The following CSMD2 variants were observed in gnomAD, a reference collection of about 807,000 sequenced individuals.
The protein encoded by CSMD2 is CUB and sushi domain-containing protein 2.
A neutral mutation model predicts 398.5 loss-of-function variants in CSMD2; 130 were observed. That is an observed-to-expected ratio of 0.33 (90% CI 0.28 to 0.38). The LOEUF is 0.38. Among genes scored for constraint, CSMD2 ranks in the 10% least tolerant of loss-of-function variants. The pLI is 1.00. For missense variants in CSMD2, 3,829 were observed against 4,764.9 expected (o/e 0.80, Z 5.78); for synonymous variants, 1,828 against 1,908.5 (o/e 0.96, Z 1.10).
At chr1:33,949,687 T>C (rs963785924) in intron 3 of CSMD2, among the ~76,000 whole-genome samples, 1 of 152,158 alleles carries the variant, frequency 6.6e-6, no homozygotes, top group African/African-American at 2.4e-5. Context: ...GGAAGAGGCA[T>C]TTGGTATGGT....
At chr1:33,905,238 G>A (rs1335263222) in intron 5 of CSMD2, among the ~76,000 whole-genome samples, 1 of 152,170 alleles carries the variant, frequency 6.6e-6, no homozygotes, top group Non-Finnish European at 1.5e-5. Flanking sequence ...GGCTAGCTGG[G>A]AAAGAGAATA....
intron 21 of CSMD2, among the ~76,000 whole-genome samples, chr1:33,710,157 C>A (rs1251593886): frequency 6.6e-6 from 1 of 152,176 alleles, no homozygotes; most frequent in Non-Finnish European, 1.5e-5. Flanking sequence ...CTCCTTAACA[C>A]CCACACAGTG....
rs564264462 is a variant in CSMD2 at position 33,692,933 on chromosome 1, A to G, written c.4049T>C (p.Ile1350Thr). 8.1e-6 allele frequency: 13 copies of G among 1,608,770 alleles called. No individual in the cohort carries two copies. In the Admixed American group the frequency reaches 1.4e-4, roughly 17 times the overall value. Reference protein sequence around the residue: ...WTIEAEAGCTIGLHFLVFDTE... With the variant: ...WTIEAEAGCTTGLHFLVFDTE... Reference sequence around the variant, plus strand: ...CTTTGTCAGCCCTGACACTTACCCAATGGTGCAGCCGGCCTCTGCTTCGAT... The same window carrying G: ...CTTTGTCAGCCCTGACACTTACCCAGTGGTGCAGCCGGCCTCTGCTTCGAT... Residue 1350 changes from isoleucine (I) to threonine (T), a missense_variant, in exon 25 of 71, where the codon ATT (isoleucine) becomes ACT (threonine). Physicochemically the swap from Ile to Thr is moderately conservative, Grantham distance 89 (BLOSUM62 -1). This residue lies in a region of CSMD2 where 2,001 missense variants were observed against 2,567.1 expected (regional missense o/e 0.78). Transcript: ENST00000373381.
Position 33,724,568 on chromosome 1 carries a change from A to G in CSMD2, c.2832T>C (p.Pro944=), listed in dbSNP as rs1646465350. 6.2e-7 allele frequency: 1 copy of G among 1,614,162 alleles called. No individual in the cohort carries two copies. Among genetic ancestry groups the G allele is most frequent in the African/African-American group, 1.3e-5 (1 of 75,052 alleles). ...DSGYTLSDGE[P]LECEPNFQWS... is the part of the protein sequence containing the mutation. ...ACTGGAAGTTGGGCTCACACTCCAG[A>G]GGCTCCCCGTCACTTAATGTGTAGC... The change falls in exon 18 of 71, where the codon CCT becomes CCC. Residue 944 remains proline, a synonymous_variant. Transcript: ENST00000373381.
chr1:33,849,337 A>T (rs987565802), intron 5 of CSMD2, among the ~76,000 whole-genome samples: 1 of 152,202 alleles, frequency 6.6e-6, no homozygotes, highest in Non-Finnish European at 1.5e-5. Flanking sequence ...GGAACCAGCT[A>T]CCAATACCTG....
intron 16 of CSMD2, 126 bp from the exon 17 acceptor site, chr1:33,725,662 A>G: frequency 1.3e-6 from 1 of 781,926 alleles, no homozygotes. Context: ...ATCTTTTAAT[A>G]TAATTTGCAC....
chr1:33,645,209 T>A (rs1643349027), intron 29 of CSMD2, among the ~76,000 whole-genome samples: 1 of 152,114 alleles, frequency 6.6e-6, no homozygotes, highest in African/African-American at 2.4e-5. Flanking sequence ...AGAAAATTTT[T>A]AATTTTAGCT....
chr1:33,852,994 A>G lies in CSMD2; in HGVS notation c.921-5998T>C, dbSNP rs534155071. Among the ~76,000 whole-genome samples, 539 of 152,356 alleles carry G rather than the reference A, an allele frequency of 3.5e-3. 5 individuals carry two copies. Among genetic ancestry groups the G allele is most frequent in the African/African-American group, 0.013 (520 of 41,584 alleles). On this transcript the variant is annotated intron_variant, in intron 5 of 70. Coordinates refer to ENST00000373381, the MANE Select transcript of CSMD2 (RefSeq NM_001281956.2). ...AAAAAAAAGTTTGCTAATTCCTACC[A>G]TAGAAGCCTCACAGATGATGTAGTT... is the stretch of plus-strand genomic sequence containing the variant.
At chr1:33,801,736 CTG>C (rs1655629426) in intron 10 of CSMD2, among the ~76,000 whole-genome samples, 1 of 152,182 alleles carries the variant, frequency 6.6e-6, no homozygotes, top group Non-Finnish European at 1.5e-5. Flanking sequence ...GTTGTTTGGA[CTG>C]TCTCTCAAAG....
chr1:33,889,638 A>T (rs1294263228), intron 5 of CSMD2, among the ~76,000 whole-genome samples: 1 of 145,636 alleles, frequency 6.9e-6, no homozygotes, highest in Admixed American at 6.6e-5. Context: ...GGAAATTGTT[A>T]AAAAAAATGA....
intron 25 of CSMD2, among the ~76,000 whole-genome samples, chr1:33,676,702 TCAAACTATACTA>T (rs1644725021): frequency 6.6e-6 from 1 of 152,150 alleles, no homozygotes; most frequent in Non-Finnish European, 1.5e-5. Flanking sequence ...CTACCTGACT[TCAAACTATACTA>T]CAAGGCTACA....
chr1:33,855,210 A>C (rs986663943), intron 5 of CSMD2, among the ~76,000 whole-genome samples: 1 of 152,184 alleles, frequency 6.6e-6, no homozygotes, highest in South Asian at 2.1e-4. Flanking sequence ...GAAGACCAGA[A>C]GCCTTTGAAG....
At chr1:33,836,869 C>G (rs1660336426) in intron 6 of CSMD2, among the ~76,000 whole-genome samples, 3 of 152,178 alleles carry the variant, frequency 2.0e-5, no homozygotes, top group Non-Finnish European at 4.4e-5. Flanking sequence ...CATCCACTGT[C>G]CTGCACCCAC....
intron 3 of CSMD2, among the ~76,000 whole-genome samples, chr1:33,994,908 A>C (rs1646677631): frequency 6.6e-6 from 1 of 152,046 alleles, no homozygotes; most frequent in African/African-American, 2.4e-5. Flanking sequence ...TACTAAAAAT[A>C]CAAAAATTAG....
intron 2 of CSMD2, among the ~76,000 whole-genome samples, chr1:34,057,364 C>T (rs1653947923): frequency 6.6e-6 from 1 of 152,174 alleles, no homozygotes; most frequent in African/African-American, 2.4e-5. Context: ...TTCCCTTTTC[C>T]CTTCTCCTAG....
intron 5 of CSMD2, among the ~76,000 whole-genome samples, chr1:33,865,560 C>T (rs1373295960): frequency 6.6e-6 from 1 of 152,132 alleles, no homozygotes; most frequent in Non-Finnish European, 1.5e-5. Flanking sequence ...GCCTTGGCCA[C>T]AGTCATTGGC....
chr1:34,146,495 A>G (rs536446676), intron 1 of CSMD2, among the ~76,000 whole-genome samples: 4 of 152,272 alleles, frequency 2.6e-5, no homozygotes, highest in African/African-American at 9.6e-5. Flanking sequence ...AGCAGGAACC[A>G]CCTATTGGAA....
chr1:33,582,056 G>C (rs1638763774), intron 47 of CSMD2, among the ~76,000 whole-genome samples: 1 of 152,176 alleles, frequency 6.6e-6, no homozygotes, highest in South Asian at 2.1e-4. Context: ...AGGAGCTCCA[G>C]CCTTCCTGGA....
chr1:33,754,089 A>G (rs1307086923), intron 13 of CSMD2, among the ~76,000 whole-genome samples: 3 of 152,218 alleles, frequency 2.0e-5, no homozygotes, highest in Admixed American at 6.5e-5. Flanking sequence ...ATTGTATTTT[A>G]CAATGTGAAA....
Sources: allele counts gnomAD v4.1 joint callset (sites outside exome capture counted in the v4.1 genomes callset), GRCh38; gene constraint gnomAD v4.1.1; regional missense constraint gnomAD v4.1.1; transcripts MANE v1.5; gene names NCBI Gene and HGNC (gene_info 2026-07-23, HGNC 2026-07-21).